BNC2: variants seen among roughly 807,000 people sequenced by gnomAD.
BNC2 encodes basonuclin zinc finger protein 2, also known as zinc finger protein basonuclin-2.
BNC2 carries 20 observed loss-of-function variants against 76.3 expected under a neutral mutation model. That is an observed-to-expected ratio of 0.26 (90% CI 0.18 to 0.38). The LOEUF (loss-of-function observed/expected upper bound fraction) is 0.38, where lower values mean the gene tolerates loss of function less well. Ranked by LOEUF, BNC2 falls within the 10% of genes least tolerant of loss-of-function variation. BNC2 has a pLI of 1.00. For missense variants in BNC2, 1,382 were observed against 1,399.8 expected (o/e 0.99, Z 0.20); for synonymous variants, 582 against 514.8 (o/e 1.13, Z -1.77).
At chr9:16,829,348 T>C (rs10962626) in intron 1 of BNC2, among the ~76,000 whole-genome samples, 58,385 of 152,010 alleles carry the variant, frequency 0.38, 14,570 homozygotes, top group Non-Finnish European at 0.57. Flanking sequence ...AATGAATGGT[T>C]TTGCTTTTTT....
intron 3 of BNC2, among the ~76,000 whole-genome samples, chr9:16,584,224 T>G (rs1289286850): frequency 6.6e-6 from 1 of 152,168 alleles, no homozygotes; most frequent in East Asian, 1.9e-4. Context: ...TACCTGAAAC[T>G]GCAGCTCTGT....
intron 5 of BNC2, among the ~76,000 whole-genome samples, chr9:16,513,176 A>C (rs1822799421): frequency 6.6e-6 from 1 of 152,120 alleles, no homozygotes; most frequent in East Asian, 1.9e-4. Flanking sequence ...TAATGAAATA[A>C]AGTGTTCATG....
At chr9:16,477,011 A>C (rs557731721) in intron 5 of BNC2, among the ~76,000 whole-genome samples, 2 of 152,288 alleles carry the variant, frequency 1.3e-5, no homozygotes, top group Admixed American at 1.3e-4. Context: ...ATGAGAACTT[A>C]AATACAAGTG....
intron 1 of BNC2, among the ~76,000 whole-genome samples, chr9:16,806,764 A>C (rs773333667): frequency 2.0e-5 from 3 of 152,208 alleles, no homozygotes; most frequent in Non-Finnish European, 4.4e-5. Flanking sequence ...ATGTTTTAAG[A>C]TTCTAAATTG....
chr9:16,465,175 C>G (rs1435357873), intron 5 of BNC2, among the ~76,000 whole-genome samples: 1 of 152,150 alleles, frequency 6.6e-6, no homozygotes, highest in East Asian at 1.9e-4. Context: ...GCGGCTCACG[C>G]CTGTAATCCC....
At chr9:16,795,272 G>A (rs185216344) in intron 1 of BNC2, among the ~76,000 whole-genome samples, 9 of 152,056 alleles carry the variant, frequency 5.9e-5, no homozygotes, top group East Asian at 1.9e-4. Context: ...ATAGTAAGGC[G>A]AACTCCACAT....
Position 16,436,853 on chromosome 9 carries a change from C to T in BNC2, c.1341G>A (p.Gly447=). The T allele has an allele frequency of 6.2e-7, 1 of 1,614,086 alleles. No individual in the cohort carries two copies. Among genetic ancestry groups the T allele is most frequent in the Non-Finnish European group, 8.5e-7 (1 of 1,180,016 alleles). ...RKGRVFCNAC[G]KTFYDKGTLK... ...GAGTACCTTTGTCATAGAATGTCTT[C>T]CCACATGCATTACAGAACACTCTTC... The change falls in exon 6 of 7, where the codon GGG becomes GGA. Residue 447 remains glycine, a synonymous_variant. Transcript: ENST00000380672.
chr9:16,431,090 T>G (rs1464629582), intron 6 of BNC2, among the ~76,000 whole-genome samples: 1 of 152,192 alleles, frequency 6.6e-6, no homozygotes, highest in African/African-American at 2.4e-5. Flanking sequence ...AAAACTCATG[T>G]AGGATGAAAA....
chr9:16,675,883 C>A (rs1360067022), intron 3 of BNC2, among the ~76,000 whole-genome samples: 1 of 151,922 alleles, frequency 6.6e-6, no homozygotes, highest in Non-Finnish European at 1.5e-5. Flanking sequence ...TCTCAGCTAC[C>A]CATGTGAAAT....
intron 1 of BNC2, among the ~76,000 whole-genome samples, chr9:16,777,411 C>A (rs747600877): frequency 1.4e-4 from 22 of 151,922 alleles, no homozygotes; most frequent in Non-Finnish European, 3.1e-4. Context: ...TTCATAAGAA[C>A]TGTTAGGGGC....
At chr9:16,523,983 T>G (rs1191060193) in intron 5 of BNC2, among the ~76,000 whole-genome samples, 1 of 152,082 alleles carries the variant, frequency 6.6e-6, no homozygotes, top group Non-Finnish European at 1.5e-5. Context: ...CTGTTCTATT[T>G]TACAACTCTA....
intron 4 of BNC2, among the ~76,000 whole-genome samples, chr9:16,573,221 C>CA (rs5896694): frequency 0.013 from 1,276 of 96,388 alleles, 9 homozygotes; most frequent in Middle Eastern, 0.027. Context: ...GACCCTGTCT[C>CA]AAAAAAAAAA....
At chr9:16,672,267 G>A (rs1327251788) in intron 3 of BNC2, among the ~76,000 whole-genome samples, 1 of 152,210 alleles carries the variant, frequency 6.6e-6, no homozygotes, top group Admixed American at 6.5e-5. Context: ...GGAGGCCGAG[G>A]CGGGCGGATC....
At chr9:16,489,525 T>C (rs1449156649) in intron 5 of BNC2, among the ~76,000 whole-genome samples, 2 of 152,206 alleles carry the variant, frequency 1.3e-5, no homozygotes, top group Non-Finnish European at 2.9e-5. Flanking sequence ...TTGAAATGTA[T>C]ATGCAAATAT....
At chr9:16,766,377 T>G (rs961529586) in intron 1 of BNC2, among the ~76,000 whole-genome samples, 19 of 152,106 alleles carry the variant, frequency 1.2e-4, no homozygotes, top group Non-Finnish European at 2.5e-4. Context: ...CAGCTGCTGA[T>G]TTTTTAATCA....
chr9:16,459,133 A>G (rs1176251314), intron 5 of BNC2, among the ~76,000 whole-genome samples: 2 of 152,232 alleles, frequency 1.3e-5, no homozygotes, highest in Non-Finnish European at 2.9e-5. Context: ...AAACACATCC[A>G]TATACATGCA....
chr9:16,848,194 G>A (rs67322332), intron 1 of BNC2, among the ~76,000 whole-genome samples: 1 of 151,992 alleles, frequency 6.6e-6, no homozygotes, highest in East Asian at 1.9e-4. Flanking sequence ...AGTTAGAAAG[G>A]TTCAAAATAT....
At chr9:16,788,769 T>A (rs1167855395) in intron 1 of BNC2, among the ~76,000 whole-genome samples, 1 of 152,044 alleles carries the variant, frequency 6.6e-6, no homozygotes, top group South Asian at 2.1e-4. Flanking sequence ...AACTCCTTCA[T>A]ATGCCTCACA....
chr9:16,547,368 T>C (rs1335466597), intron 5 of BNC2, among the ~76,000 whole-genome samples: 2 of 152,212 alleles, frequency 1.3e-5, no homozygotes, highest in South Asian at 2.1e-4. Context: ...TAAGGGCCTT[T>C]TGACAAACTG....
Sources: gnomAD v4.1 joint callset for allele counts (sites outside exome capture counted in the v4.1 genomes callset) on GRCh38, gnomAD v4.1.1 for gene constraint, MANE v1.5 for transcripts, NCBI Gene and HGNC (gene_info 2026-07-23, HGNC 2026-07-21) for gene names.